NF1: variants seen among roughly 807,000 people sequenced by gnomAD.
NF1 encodes the protein neurofibromin.
In NF1, 122 loss-of-function variants were observed where a neutral mutation model predicts 325.7. The observed-to-expected ratio is 0.37, with a 90% confidence interval of 0.32 to 0.44. The LOEUF is 0.44. Among genes scored for constraint, NF1 ranks in the 20% least tolerant of loss-of-function variants. The pLI is 1.00. For missense variants in NF1, 2,140 were observed against 3,415.4 expected (o/e 0.63, Z 9.31); for synonymous variants, 1,091 against 1,186.0 (o/e 0.92, Z 1.65).
chr17:31,157,409 A>G (rs1307452877), intron 2 of NF1, among the ~76,000 whole-genome samples: 2 of 152,116 alleles, frequency 1.3e-5, no homozygotes, highest in Non-Finnish European at 2.9e-5. Context: ...TTATTAGATA[A>G]TATTCTAGTA....
At chr17:31,286,426 AGGT>A (rs2068228942) in intron 36 of NF1, among the ~76,000 whole-genome samples, 1 of 152,150 alleles carries the variant, frequency 6.6e-6, no homozygotes, top group African/African-American at 2.4e-5. Flanking sequence ...AGCTTTTACA[AGGT>A]GTCTCTAAGC....
chr17:31,162,035 CAAAAAAAAA>C (rs781244510), intron 3 of NF1, among the ~76,000 whole-genome samples: 6 of 54,176 alleles, frequency 1.1e-4, no homozygotes, highest in African/African-American at 4.9e-4. Context: ...GACTCCATCT[CAAAAAAAAA>C]AAAAAAAAAA....
chr17:31,142,773 A>G (rs1916319072), intron 1 of NF1, among the ~76,000 whole-genome samples: 1 of 152,054 alleles, frequency 6.6e-6, no homozygotes, highest in African/African-American at 2.4e-5. Flanking sequence ...AGGCTGAGGC[A>G]GGAGAATGGC....
chr17:31,337,154 A>T (rs1411976454), intron 42 of NF1, among the ~76,000 whole-genome samples: 1 of 152,236 alleles, frequency 6.6e-6, no homozygotes, highest in Non-Finnish European at 1.5e-5. Flanking sequence ...CGGAATACTC[A>T]GTGCCAGTTG....
At position 31,350,260 on chromosome 17, in the gene NF1, T is replaced by G. The variant is rs1040132838; in HGVS notation, c.7399T>G (p.Ser2467Ala). ...AAAGTCACTTCTTCTTACTGATATTTCAATGGAAAATGTTCCTATGGATAC... is the reference window on the plus strand; with the variant it reads ...AAAGTCACTTCTTCTTACTGATATTGCAATGGAAAATGTTCCTATGGATAC... ...HRKSLLLTDI[S>A]MENVPMDTYP... The change falls in exon 50 of 58, where the codon TCA becomes GCA. Residue 2467 changes from serine (S) to alanine (A), a missense_variant. Ser to Ala is a moderately conservative substitution (Grantham distance 99). Coordinates refer to ENST00000358273, the MANE Select transcript of NF1 (RefSeq NM_001042492.3). 1 of 1,613,656 alleles carries G rather than the reference T, an allele frequency of 6.2e-7. No individual in the cohort carries two copies. The highest frequency in any genetic ancestry group is 1.3e-5 in the African/African-American group (1 of 74,936).
chr17:31,188,883 G>A (rs1358562049), intron 8 of NF1, among the ~76,000 whole-genome samples: 1 of 152,172 alleles, frequency 6.6e-6, no homozygotes, highest in East Asian at 1.9e-4. Flanking sequence ...AACTTGGACT[G>A]GCTCTCCTTG....
At chr17:31,237,482 G>A (rs1832115838) in intron 29 of NF1, among the ~76,000 whole-genome samples, 1 of 151,962 alleles carries the variant, frequency 6.6e-6, no homozygotes, top group African/African-American at 2.4e-5. Context: ...TTGCCTTGTT[G>A]CCCAGGCTGG....
At chr17:31,279,342 A>G (rs1463802333) in intron 36 of NF1, among the ~76,000 whole-genome samples, 1 of 152,178 alleles carries the variant, frequency 6.6e-6, no homozygotes, top group East Asian at 1.9e-4. Flanking sequence ...AATGCACCTG[A>G]TGTTGTCTGA....
rs751318331 is a variant in NF1, at chr17:31,225,223, C to G, written c.1974C>G (p.Leu658=). 1 of 1,613,732 alleles carries G rather than the reference C, an allele frequency of 6.2e-7. No homozygotes were observed. Among genetic ancestry groups the G allele is most frequent in the Non-Finnish European group, 8.5e-7 (1 of 1,179,758 alleles). ...TACTACGTACTCCTGGAGCCTCTCT[C>G]CGGAAGGGAAAAGGGAACTCCTCTA... ...EELLRTPGAS[L]RKGKGNSSMD... Residue 658 remains leucine (L), a synonymous_variant, in exon 17 of 58, where the codon CTC becomes CTG. Coordinates refer to ENST00000358273, the MANE Select transcript of NF1 (RefSeq NM_001042492.3).
chr17:31,334,717 A>G (rs1236198835), intron 39 of NF1, 121 bp from the exon 40 acceptor site: 1 of 755,502 alleles, frequency 1.3e-6, no homozygotes, highest in Admixed American at 2.2e-5. Flanking sequence ...TCTTTTCTCC[A>G]GGCCTGATTC....
chr17:31,251,773 CTTG>C (rs1383087066), intron 30 of NF1: 2 of 203,522 alleles, frequency 9.8e-6, no homozygotes, highest in African/African-American at 2.3e-5. Context: ...GGGGCTGTGT[CTTG>C]TTGTTTTACT....
intron 1 of NF1, among the ~76,000 whole-genome samples, chr17:31,140,400 A>G (rs1350157464): frequency 6.6e-6 from 1 of 152,238 alleles, no homozygotes; most frequent in Admixed American, 6.5e-5. Context: ...GTAAGTGCTA[A>G]TTAGTAGTTG....
intron 29 of NF1, among the ~76,000 whole-genome samples, chr17:31,240,338 A>G (rs1224864186): frequency 6.6e-6 from 1 of 151,904 alleles, no homozygotes; most frequent in Non-Finnish European, 1.5e-5. Flanking sequence ...ACGATGTTGT[A>G]TTTCTTTGCC....
At chr17:31,354,419 G>GA (rs1347968440) in intron 51 of NF1, among the ~76,000 whole-genome samples, 7 of 152,152 alleles carry the variant, frequency 4.6e-5, no homozygotes, top group Non-Finnish European at 1.0e-4. Flanking sequence ...TGGCATCATG[G>GA]GGAATGGGGT....
intron 57 of NF1, among the ~76,000 whole-genome samples, chr17:31,364,751 G>A (rs1440417707): frequency 6.6e-6 from 1 of 152,192 alleles, no homozygotes; most frequent in Admixed American, 6.5e-5. Context: ...AGTAGAAATT[G>A]AATTTGGCAT....
At chr17:31,294,918 T>G (rs574045773) in intron 36 of NF1, 1 of 1,544,370 alleles carries the variant, frequency 6.5e-7, no homozygotes, top group East Asian at 2.2e-5. Flanking sequence ...AATACTTAAA[T>G]ATAGCTCGAA....
chr17:31,122,979 C>G (rs1914564753), intron 1 of NF1, among the ~76,000 whole-genome samples: 1 of 152,010 alleles, frequency 6.6e-6, no homozygotes, highest in African/African-American at 2.4e-5. Flanking sequence ...AGTAACCTGG[C>G]CATTAGTACG....
chr17:31,329,674 T>G (rs1392150064), intron 38 of NF1, among the ~76,000 whole-genome samples: 1 of 152,222 alleles, frequency 6.6e-6, no homozygotes, highest in Non-Finnish European at 1.5e-5. Context: ...TTTTCCATAT[T>G]GGTGGTTATA....
At chr17:31,230,999 A>G (rs1211675238) in intron 24 of NF1, 74 bp downstream of exon 24, 3 of 1,146,364 alleles carry the variant, frequency 2.6e-6, no homozygotes, top group Non-Finnish European at 3.8e-6. Flanking sequence ...ACAGCTTTAT[A>G]CTTGTATTTT....
Sources: allele counts gnomAD v4.1 joint callset (sites outside exome capture counted in the v4.1 genomes callset), GRCh38; gene constraint gnomAD v4.1.1; transcripts MANE v1.5; gene names NCBI Gene and HGNC (gene_info 2026-07-23, HGNC 2026-07-21).